OSBPL6: variants seen among roughly 807,000 people sequenced by gnomAD.
OSBPL6 encodes the protein oxysterol binding protein like 6.
A neutral mutation model predicts 125.8 loss-of-function variants in OSBPL6; 49 were observed. The observed-to-expected ratio is 0.39, with a 90% CI of 0.31 to 0.49. The LOEUF (loss-of-function observed/expected upper bound fraction) is 0.49. OSBPL6 is among the 20% of genes least tolerant of loss of function. OSBPL6 has a pLI of 0.88. For missense variants in OSBPL6, 986 were observed against 1,135.4 expected (o/e 0.87, Z 1.89); for synonymous variants, 394 against 391.8 (o/e 1.01, Z -0.07).
At position 178,373,929 on chromosome 2, in the gene OSBPL6, C is replaced by G; in HGVS notation, c.1435C>G (p.Gln479Glu). 6.2e-7 allele frequency: 1 copy of G among 1,614,096 alleles called. No homozygotes were observed. The highest frequency in any genetic ancestry group is 8.5e-7 in the Non-Finnish European group (1 of 1,179,980). ...CCATGTCAGTCTCCCCTTATCACAG[C>G]AAGTAGCCAATGAGAGCCGCCTCTC... ...QIHVSLPLSQ[Q>E]VANESRLSMS... Residue 479 changes from glutamine to glutamate, a missense_variant, in exon 15 of 25, where the codon CAA becomes GAA. Gln to Glu is a conservative substitution (Grantham distance 29, BLOSUM62 2). This residue lies in a region of OSBPL6 where 843 missense variants were observed against 997.3 expected (regional missense o/e 0.85). Transcript: ENST00000190611.
chr2:178,319,719 CA>C (rs1159680673), intron 3 of OSBPL6, among the ~76,000 whole-genome samples: 5 of 152,222 alleles, frequency 3.3e-5, no homozygotes, highest in African/African-American at 1.2e-4. Context: ...CACTATCCTA[CA>C]GAAGTTACTA....
rs149826796 is a variant in OSBPL6 at position 178,298,756 on chromosome 2, A to C, written c.-155-7274A>C. ...CTCCACAGGACCTACATCATTTTCT[A>C]TTCCCACCAGCAATGCACAAGGGTT... On this transcript the variant is annotated intron_variant, in intron 2 of 24. Coordinates refer to ENST00000190611, the MANE Select transcript of OSBPL6 (RefSeq NM_032523.4). 3.2e-3 allele frequency among the ~76,000 whole-genome samples: 406 copies of C among 125,294 alleles called. 2 individuals carry two copies. The highest frequency in any genetic ancestry group is 0.014 in the Middle Eastern group (3 of 214). 82.2% of individuals were successfully genotyped at this position (125,294 alleles called of 152,430 possible).
intron 1 of OSBPL6, among the ~76,000 whole-genome samples, chr2:178,243,572 A>T (rs333996): frequency 0.37 from 55,749 of 151,908 alleles, 10,622 homozygotes; most frequent in African/African-American, 0.44. Context: ...TCCAAAATAT[A>T]TTCCAAACTC....
rs66530877 is a variant in OSBPL6 at position 178,287,149 on chromosome 2, TAA to T, written c.-156+2047_-156+2048del. 8.0e-3 allele frequency among the ~76,000 whole-genome samples: 1,006 copies of T among 125,450 alleles called. 9 individuals are homozygous for T. Among genetic ancestry groups the T allele is most frequent in the Middle Eastern group, 0.012 (3 of 242 alleles). 82.3% of individuals were successfully genotyped at this position (125,450 alleles called of 152,430 possible). A position where few individuals can be genotyped will look rare whatever the true frequency, so the allele number is the denominator to read the frequency against. ...CCTAAAACAATGGTTCTTCTTTTTT[TAA>T]AAAAAAAAAAAAAAAAAACAAATTA... is the stretch of plus-strand genomic sequence containing the variant. On this transcript the variant is annotated intron_variant, in intron 2 of 24. Transcript: ENST00000190611.
In OSBPL6 at chr2:178,222,635, A is replaced by C. The variant is rs908794713; in HGVS notation, c.-351+27961A>C. Among the ~76,000 whole-genome samples, 10 of 152,212 alleles carry C rather than the reference A, an allele frequency of 6.6e-5. No homozygotes were observed. In the South Asian group the frequency reaches 2.1e-3, roughly 32 times the overall value. On this transcript the variant is annotated intron_variant, in intron 1 of 24. Transcript: ENST00000190611. ...GCACTCCAGCCTGGGTGACAGAGCA[A>C]GACTCGTCTCAAAAATAAATAAATA...
intron 2 of OSBPL6, among the ~76,000 whole-genome samples, chr2:178,294,616 T>G (rs1454626320): frequency 5.3e-5 from 8 of 152,084 alleles, no homozygotes; most frequent in Non-Finnish European, 8.8e-5. Context: ...GAGAAGAGAT[T>G]TTAGTATAGC....
chr2:178,351,207 T>TG (rs1364493156), intron 12 of OSBPL6, among the ~76,000 whole-genome samples: 1 of 152,170 alleles, frequency 6.6e-6, no homozygotes. Context: ...CCACTCCTCC[T>TG]GCTTCTGTTC....
rs770803948 is a variant in OSBPL6 at position 178,395,499 on chromosome 2, C to T, written c.2745C>T (p.Thr915=). 6 of 1,613,760 alleles carry T rather than the reference C, an allele frequency of 3.7e-6. No individual in the cohort carries two copies. Among genetic ancestry groups the T allele is most frequent in the Non-Finnish European group, 5.1e-6 (6 of 1,179,806 alleles). Residue 915 remains threonine (T), a synonymous_variant, in exon 25 of 25, where the codon ACC becomes ACT. Transcript: ENST00000190611. The stretch of plus-strand genomic sequence containing the variant: ...GAGAAGCCTGGGTTTCTAACGACAC[C>T]TACTGGGAGCTTCGAAAGGACCCTG... The part of the protein sequence containing the change: ...NQREAWVSND[T]YWELRKDPGF...
At chr2:178,301,526 TAAC>T (rs1401697721) in intron 2 of OSBPL6, among the ~76,000 whole-genome samples, 1 of 152,216 alleles carries the variant, frequency 6.6e-6, no homozygotes, top group Non-Finnish European at 1.5e-5. Context: ...CCAAAAATGT[TAAC>T]AAGGGTTATC....
intron 8 of OSBPL6, 112 bp downstream of exon 8, chr2:178,333,153 C>G: frequency 7.0e-6 from 8 of 1,139,738 alleles, no homozygotes; most frequent in Non-Finnish European, 1.0e-5. Flanking sequence ...GAGGCCAAGG[C>G]GGGTGGATCG....
At chr2:178,291,107 G>GTT (rs35976901) in intron 2 of OSBPL6, among the ~76,000 whole-genome samples, 137 of 146,364 alleles carry the variant, frequency 9.4e-4, no homozygotes, top group Middle Eastern at 3.6e-3. Context: ...ACTATGAGGT[G>GTT]TTTTTTTTTT....
At chr2:178,270,322 T>A (rs1342826976) in intron 1 of OSBPL6, among the ~76,000 whole-genome samples, 2 of 152,222 alleles carry the variant, frequency 1.3e-5, no homozygotes, top group Non-Finnish European at 2.9e-5. Flanking sequence ...ATGTGCAATG[T>A]GACTTTTGGG....
intron 2 of OSBPL6, among the ~76,000 whole-genome samples, chr2:178,294,599 G>A (rs1047970578): frequency 6.6e-6 from 1 of 152,078 alleles, no homozygotes; most frequent in African/African-American, 2.4e-5. Flanking sequence ...GATAACATCA[G>A]CTTTAGGAGA....
intron 15 of OSBPL6, among the ~76,000 whole-genome samples, chr2:178,379,333 AG>A (rs1694224029): frequency 4.1e-5 from 2 of 48,800 alleles, no homozygotes; most frequent in African/African-American, 8.0e-5. Flanking sequence ...AAGGAAAGGA[AG>A]GGAGGGAGGG....
intron 1 of OSBPL6, among the ~76,000 whole-genome samples, chr2:178,239,234 A>G (rs139912559): frequency 3.9e-5 from 6 of 152,342 alleles, no homozygotes; most frequent in African/African-American, 1.4e-4. Flanking sequence ...GAATTATGTT[A>G]TATGAAATAG....
intron 1 of OSBPL6, among the ~76,000 whole-genome samples, chr2:178,219,165 C>T (rs1417821844): frequency 6.6e-6 from 1 of 152,094 alleles, no homozygotes; most frequent in African/African-American, 2.4e-5. Flanking sequence ...TAGTGATAGA[C>T]TGTAAAAAAA....
chr2:178,206,483 T>A lies in OSBPL6; in HGVS notation c.-351+11809T>A, dbSNP rs746079264. 1.5e-4 allele frequency among the ~76,000 whole-genome samples: 23 copies of A among 152,268 alleles called. No homozygotes were observed. In the South Asian group the frequency reaches 1.9e-3, roughly 12 times the overall value. ...AGTGATATCATTATCCAGCCTTTGG[T>A]TTTCAAGATGAAGAAAGGGATAGAA... On this transcript the variant is annotated intron_variant, in intron 1 of 24. Coordinates refer to ENST00000190611, the MANE Select transcript of OSBPL6 (RefSeq NM_032523.4).
chr2:178,391,955 A>G (rs933293776), intron 22 of OSBPL6, among the ~76,000 whole-genome samples: 10 of 152,256 alleles, frequency 6.6e-5, no homozygotes, highest in Non-Finnish European at 1.3e-4. Flanking sequence ...GGATACGTCA[A>G]TGAGCAAGAC....
At chr2:178,230,868 A>C (rs991425164) in intron 1 of OSBPL6, among the ~76,000 whole-genome samples, 2 of 152,192 alleles carry the variant, frequency 1.3e-5, no homozygotes, top group African/African-American at 4.8e-5. Context: ...AATTTCTGTC[A>C]TGGGATATTT....
Sources: gnomAD v4.1 joint callset for allele counts (sites outside exome capture counted in the v4.1 genomes callset) on GRCh38, gnomAD v4.1.1 for gene constraint, gnomAD v4.1.1 regional missense constraint, MANE v1.5 for transcripts, NCBI Gene and HGNC (gene_info 2026-07-23, HGNC 2026-07-21) for gene names.